The following MYH13 variants were observed in gnomAD, a reference collection of about 807,000 sequenced individuals.
MYH13 encodes the protein myosin heavy chain 13.
Under a neutral mutation model 232.1 loss-of-function variants are expected in MYH13, and 177 were observed. The ratio of observed to expected loss-of-function variants is 0.76; its 90% CI spans 0.67 to 0.86. The LOEUF is 0.86. Ranked by LOEUF, MYH13 falls within the 40% of genes least tolerant of loss-of-function variation. The probability of loss-of-function intolerance (pLI) is 0.00; values close to 1 mark genes in which losing one functional copy is unlikely to be tolerated. For missense variants in MYH13, 2,246 were observed against 2,405.9 expected (o/e 0.93, Z 1.39); for synonymous variants, 884 against 923.5 (o/e 0.96, Z 0.78).
chr17:10,309,450 C>T lies in MYH13; in HGVS notation c.4966-13G>A. The stretch of plus-strand genomic sequence containing the variant: ...GCAGCTGGGAGTCCTGCAGGGGAGA[C>T]CCAGAGTGAGGCCAGAGCCGCCTGG... On this transcript the variant is annotated splice_polypyrimidine_tract_variant and intron_variant, in intron 34 of 40. Coordinates refer to ENST00000252172, the MANE Select transcript of MYH13 (RefSeq NM_003802.3). 6.3e-7 allele frequency: 1 copy of T among 1,599,722 alleles called. No homozygotes were observed. The highest frequency in any genetic ancestry group is 8.5e-7 in the Non-Finnish European group (1 of 1,172,638).
At chr17:10,362,559 C>T in intron 3 of MYH13, 56 bp from the exon 4 acceptor site, 1 of 1,607,102 alleles carries the variant, frequency 6.2e-7, no homozygotes, top group East Asian at 2.2e-5. Context: ...GCCCACATTG[C>T]ACTTTACTGG....
intron 3 of MYH13, among the ~76,000 whole-genome samples, 179 bp from the exon 4 acceptor site, chr17:10,362,682 G>C (rs1353952815): frequency 6.6e-6 from 1 of 152,160 alleles, no homozygotes; most frequent in Non-Finnish European, 1.5e-5. Flanking sequence ...TGAAGAATCT[G>C]ATTCTGGTCA....
At chr17:10,340,259 G>A in intron 17 of MYH13, 22 bp from the exon 18 acceptor site, 1 of 1,613,438 alleles carries the variant, frequency 6.2e-7, no homozygotes, top group Non-Finnish European at 8.5e-7. Flanking sequence ...ACCAAAACAA[G>A]CACATTTAGC....
chr17:10,316,581 T>C (rs1906722089), intron 27 of MYH13, among the ~76,000 whole-genome samples: 2 of 152,246 alleles, frequency 1.3e-5, no homozygotes, highest in African/African-American at 4.8e-5. Flanking sequence ...GATGTCACTT[T>C]TAAGTGGATC....
chr17:10,301,793 G>A lies in MYH13; in HGVS notation c.5668-90C>T, dbSNP rs1906104298. ...TCTCTGAAGGCCTCTGAGGAGTTAA[G>A]CAACCAGGGCCCTGGATTCCCTGAT... On this transcript the variant is annotated intron_variant, in intron 39 of 40. Transcript: ENST00000252172. The A allele has an allele frequency of 1.5e-5, 22 of 1,496,284 alleles. No homozygotes were observed. In the South Asian group the frequency reaches 2.8e-4, roughly 19 times the overall value. The allele number at this position is 1,496,284 out of a possible 1,614,324, so 92.7% of individuals were successfully genotyped here. A position where few individuals can be genotyped will look rare whatever the true frequency, so the allele number is the denominator to read the frequency against.
intron 18 of MYH13, among the ~76,000 whole-genome samples, chr17:10,336,772 G>A (rs979194473): frequency 6.6e-6 from 1 of 152,122 alleles, no homozygotes; most frequent in Admixed American, 6.6e-5. Flanking sequence ...TGCTTGGCCT[G>A]TTCATGCTAC....
intron 11 of MYH13, 101 bp from the exon 12 acceptor site, chr17:10,350,795 A>G (rs1354887465): frequency 1.4e-6 from 2 of 1,474,486 alleles, no homozygotes; most frequent in Non-Finnish European, 1.9e-6. Context: ...AGCATATGAG[A>G]CAGCATTTGC....
rs1386598451 is a variant in MYH13, at chr17:10,303,216, T to C, written c.5647A>G (p.Lys1883Glu). 6.2e-7 allele frequency: 1 copy of C among 1,613,438 alleles called. No homozygotes were observed. Among genetic ancestry groups the C allele is most frequent in the East Asian group, 2.2e-5 (1 of 44,872 alleles). ...DKLQAKVKSY[K>E]RQAEEAEEQA... ...CTTACCGCCTCCTCAGCCTGCCTCT[T>C]GTAAGACTTCACTTTGGCCTGCAGC... The change falls in exon 39 of 41, where the codon AAG (lysine) becomes GAG (glutamate). Residue 1883 changes from lysine (K) to glutamate (E), a missense_variant. By Grantham distance (56) the Lys-to-Glu change is moderately conservative. Coordinates refer to ENST00000252172, the MANE Select transcript of MYH13 (RefSeq NM_003802.3).
chr17:10,313,141 C>T lies in MYH13; in HGVS notation c.4181+17G>A. ...GTCCTCGGGCCCCCTCTGCTATTGC[C>T]ACCCTGGAGCCCCTACTTGGCCTCC... On this transcript the variant is annotated intron_variant, in intron 30 of 40. Transcript: ENST00000252172. 1 of 1,614,042 alleles carries T rather than the reference C, an allele frequency of 6.2e-7. No individual in the cohort carries two copies. Among genetic ancestry groups the T allele is most frequent in the Non-Finnish European group, 8.5e-7 (1 of 1,179,922 alleles).
chr17:10,345,379 G>A lies in MYH13; in HGVS notation c.1414-7C>T. Reference sequence around the variant, plus strand: ...GCTGCTCCAGGCTGTTGAACTGGGTGATTCAAATACCAAAGAATTTGAGTG... The same window carrying A: ...GCTGCTCCAGGCTGTTGAACTGGGTAATTCAAATACCAAAGAATTTGAGTG... On this transcript the variant is annotated splice_polypyrimidine_tract_variant and splice_region_variant and intron_variant, in intron 14 of 40. Coordinates refer to ENST00000252172, the MANE Select transcript of MYH13 (RefSeq NM_003802.3). 1 of 1,614,228 alleles carries A rather than the reference G, an allele frequency of 6.2e-7. No homozygotes were observed. The highest frequency in any genetic ancestry group is 8.5e-7 in the Non-Finnish European group (1 of 1,180,044).
intron 21 of MYH13, 92 bp downstream of exon 21, chr17:10,330,295 G>A: frequency 6.6e-7 from 1 of 1,520,802 alleles, no homozygotes; most frequent in Non-Finnish European, 8.9e-7. Context: ...AAGAGAGCAA[G>A]CACATGGAAA....
intron 23 of MYH13, among the ~76,000 whole-genome samples, chr17:10,323,818 A>G (rs1395503978): frequency 5.3e-5 from 8 of 149,974 alleles, no homozygotes; most frequent in African/African-American, 1.7e-4. Flanking sequence ...GAAGAAGAAG[A>G]AGAAGAAGAA....
intron 8 of MYH13, among the ~76,000 whole-genome samples, chr17:10,356,114 G>A (rs1325395625): frequency 1.3e-5 from 2 of 152,130 alleles, no homozygotes; most frequent in African/African-American, 4.8e-5. Context: ...ACGACACTGT[G>A]CGCAAATTTG....
chr17:10,347,641 T>G (rs1203134311), intron 12 of MYH13, among the ~76,000 whole-genome samples: 1 of 151,688 alleles, frequency 6.6e-6, no homozygotes. Context: ...TCATTGACTT[T>G]GAGAAGGACC....
At chr17:10,323,893 C>T (rs942281313) in intron 23 of MYH13, 129 bp downstream of exon 23, 3 of 1,291,102 alleles carry the variant, frequency 2.3e-6, no homozygotes, top group Non-Finnish European at 3.2e-6. Context: ...TACCCTTCAC[C>T]TTGACGCCAG....
rs113950590 is a variant in MYH13, at chr17:10,369,379, T to C, written c.-13+1830A>G. On this transcript the variant is annotated intron_variant, in intron 2 of 40. Coordinates refer to ENST00000252172, the MANE Select transcript of MYH13 (RefSeq NM_003802.3). ...ATGGGCATATGAATCCTACTGTGAA[T>C]ATTCACTAGGTCTGGAGTTGGGTTT... is the stretch of plus-strand genomic sequence containing the variant. 4.6e-5 allele frequency among the ~76,000 whole-genome samples: 7 copies of C among 152,300 alleles called. 1 individual carries two copies. The highest frequency in any genetic ancestry group is 1.4e-4 in the African/African-American group (6 of 41,530).
chr17:10,349,055 CTTCCT>C (rs1478498573), intron 12 of MYH13, among the ~76,000 whole-genome samples: 2 of 149,414 alleles, frequency 1.3e-5, no homozygotes, highest in African/African-American at 2.5e-5. Flanking sequence ...CTTCCCTTCC[CTTCCT>C]TTCCCTTCCC....
chr17:10,319,249 G>T (rs555730770), intron 26 of MYH13, 70 bp from the exon 27 acceptor site: 125 of 1,508,552 alleles, frequency 8.3e-5, no homozygotes, highest in Admixed American at 2.0e-4. Flanking sequence ...GGGGCTGGGT[G>T]TTGAGGAATT....
At chr17:10,353,066 G>T (rs1357883853) in intron 11 of MYH13, among the ~76,000 whole-genome samples, 1 of 141,164 alleles carries the variant, frequency 7.1e-6, no homozygotes, top group African/African-American at 2.7e-5. Flanking sequence ...GGGCCATTGT[G>T]CATATAACAC....
Sources: gnomAD v4.1 joint callset for allele counts (sites outside exome capture counted in the v4.1 genomes callset) on GRCh38, gnomAD v4.1.1 for gene constraint, MANE v1.5 for transcripts, NCBI Gene and HGNC (gene_info 2026-07-23, HGNC 2026-07-21) for gene names.